GALNT5: variants seen among roughly 807,000 people sequenced by gnomAD.
GALNT5 encodes the protein UDP-GalNAc:polypeptide N-acetylgalactosaminyltransferase 5.
A neutral mutation model predicts 85.4 loss-of-function variants in GALNT5; 72 were observed. That is an observed-to-expected ratio of 0.84 (90% confidence interval 0.70 to 1.03). GALNT5 has a LOEUF of 1.03. Ranked by LOEUF, GALNT5 falls within the 50% of genes least tolerant of loss-of-function variation. The probability of loss-of-function intolerance (pLI) is 0.00; values close to 1 mark genes in which losing one functional copy is unlikely to be tolerated. For missense variants in GALNT5, 1,137 were observed against 1,135.5 expected (o/e 1.00, Z -0.02); for synonymous variants, 404 against 397.0 (o/e 1.02, Z -0.21).
chr2:157,285,097 T>G (rs931978902), intron 2 of GALNT5, among the ~76,000 whole-genome samples: 1 of 152,222 alleles, frequency 6.6e-6, no homozygotes, highest in African/African-American at 2.4e-5. Flanking sequence ...AACCCATTTT[T>G]CAGAAAAGTT....
At chr2:157,292,005 T>C (rs368941714) in intron 3 of GALNT5, among the ~76,000 whole-genome samples, 89 of 152,322 alleles carry the variant, frequency 5.8e-4, no homozygotes, top group African/African-American at 2.1e-3. Flanking sequence ...CCCATAAATA[T>C]ATACAATTAT....
In GALNT5 at chr2:157,258,005, C is replaced by CTGCTGCTGA; in HGVS notation, c.-71_-70insGATGCTGCT. Reference sequence around the variant, plus strand: ...GGCAACTCTGCTGCTGCTGCTGCTGCTGCTGCTACTTCAGCTTCCTCTCCA... The same window carrying CTGCTGCTGA: ...GGCAACTCTGCTGCTGCTGCTGCTGCTGCTGCTGATGCTGCTACTTCAGCTTCCTCTCCA... On this transcript the variant is annotated 5_prime_UTR_variant, in exon 1 of 10. It adds an upstream start codon to the 5' untranslated region. Transcript: ENST00000259056. 6.7e-7 allele frequency: 1 copy of CTGCTGCTGA among 1,502,990 alleles called. No individual in the cohort carries two copies. Among genetic ancestry groups the CTGCTGCTGA allele is most frequent in the Non-Finnish European group, 9.2e-7 (1 of 1,091,974 alleles). 93.1% of individuals were successfully genotyped at this position (1,502,990 alleles called of 1,614,324 possible).
At chr2:157,292,720 T>G (rs1683127001) in intron 3 of GALNT5, among the ~76,000 whole-genome samples, 2 of 152,100 alleles carry the variant, frequency 1.3e-5, no homozygotes, top group Non-Finnish European at 2.9e-5. Flanking sequence ...TTATTTTTTT[T>G]TTTTGAGACA....
chr2:157,304,849 C>T (rs899336713), intron 7 of GALNT5, among the ~76,000 whole-genome samples: 1 of 152,152 alleles, frequency 6.6e-6, no homozygotes, highest in Non-Finnish European at 1.5e-5. Context: ...CTGTGAGCAT[C>T]CAGTCTGCAT....
At chr2:157,309,920 A>C (rs1295399265) in intron 9 of GALNT5, among the ~76,000 whole-genome samples, 2 of 152,196 alleles carry the variant, frequency 1.3e-5, no homozygotes, top group Admixed American at 1.3e-4. Context: ...ATAAACATGC[A>C]GTGTAGTGAA....
chr2:157,268,846 C>G (rs182200558), intron 1 of GALNT5, among the ~76,000 whole-genome samples: 1 of 152,068 alleles, frequency 6.6e-6, no homozygotes, highest in Admixed American at 6.6e-5. Flanking sequence ...CCAGTAGACT[C>G]TAAATACCTA....
chr2:157,292,825 C>A (rs1683129250), intron 3 of GALNT5, among the ~76,000 whole-genome samples: 1 of 152,050 alleles, frequency 6.6e-6, no homozygotes, highest in Admixed American at 6.6e-5. Context: ...CCTGCCTAGG[C>A]CTCCTGAATA....
At chr2:157,278,646 C>G (rs776546544) in intron 1 of GALNT5, among the ~76,000 whole-genome samples, 20 of 152,116 alleles carry the variant, frequency 1.3e-4, no homozygotes, top group Non-Finnish European at 1.9e-4. Flanking sequence ...GTTCTCTTGC[C>G]ATGGTTTTCA....
chr2:157,288,149 GAT>G (rs1367005407), intron 3 of GALNT5, among the ~76,000 whole-genome samples: 2 of 152,188 alleles, frequency 1.3e-5, no homozygotes, highest in East Asian at 3.8e-4. Flanking sequence ...AGCATGTTCT[GAT>G]GGGAAGTTTT....
intron 3 of GALNT5, among the ~76,000 whole-genome samples, chr2:157,287,081 C>T (rs1682994002): frequency 6.6e-6 from 1 of 152,064 alleles, no homozygotes; most frequent in Non-Finnish European, 1.5e-5. Context: ...TGGTATACAT[C>T]TCATCAAGAG....
intron 1 of GALNT5, among the ~76,000 whole-genome samples, chr2:157,267,573 C>T (rs1185764104): frequency 6.6e-6 from 1 of 152,186 alleles, no homozygotes; most frequent in African/African-American, 2.4e-5. Context: ...GACAGAACAT[C>T]CCCACCTAGT....
In GALNT5 at chr2:157,317,187, T is replaced by C. The variant is rs887586501; in HGVS notation, c.*5839T>C. ...CTGTATGTGTGTGTATATATATATA[T>C]ATATATATATATTTTTTTTTTTGAT... On this transcript the variant is annotated 3_prime_UTR_variant, in exon 10 of 10. Transcript: ENST00000259056. 7.2e-6 allele frequency among the ~76,000 whole-genome samples: 1 copy of C among 139,256 alleles called. No homozygotes were observed. The highest frequency in any genetic ancestry group is 2.8e-5 in the African/African-American group (1 of 36,062). The allele number at this position is 139,256 out of a possible 152,430, so 91.4% of individuals were successfully genotyped here. A position where few individuals can be genotyped will look rare whatever the true frequency, so the allele number is the denominator to read the frequency against.
intron 5 of GALNT5, among the ~76,000 whole-genome samples, chr2:157,297,188 T>C (rs2105158270): frequency 6.6e-6 from 1 of 152,308 alleles, no homozygotes; most frequent in Admixed American, 6.5e-5. Flanking sequence ...CAGACACAAG[T>C]AAGCCAGCCC....
intron 1 of GALNT5, among the ~76,000 whole-genome samples, chr2:157,260,292 A>C (rs1487360283): frequency 6.6e-6 from 1 of 152,260 alleles, no homozygotes; most frequent in Non-Finnish European, 1.5e-5. Context: ...GGCAGTCATT[A>C]TGGTTCAAAT....
intron 1 of GALNT5, among the ~76,000 whole-genome samples, chr2:157,273,174 C>G (rs1024416460): frequency 3.3e-5 from 5 of 152,138 alleles, no homozygotes; most frequent in African/African-American, 4.8e-5. Context: ...TCTCATCACT[C>G]TGGTCTTTAA....
chr2:157,291,004 T>C (rs564879125), intron 3 of GALNT5, among the ~76,000 whole-genome samples: 34 of 152,018 alleles, frequency 2.2e-4, no homozygotes, highest in Admixed American at 4.6e-4. Context: ...AATGAGGAGG[T>C]TGAGAGGCCC....
chr2:157,262,622 C>A (rs895163467), intron 1 of GALNT5, among the ~76,000 whole-genome samples: 6 of 147,648 alleles, frequency 4.1e-5, no homozygotes, highest in Admixed American at 1.3e-4. Flanking sequence ...CAGAATAAGA[C>A]CTTGTCTCAG....
chr2:157,268,932 C>T lies in GALNT5; in HGVS notation c.1454+9396C>T, dbSNP rs368956886. On this transcript the variant is annotated intron_variant, in intron 1 of 9. Transcript: ENST00000259056. ...AAAAAAGTTACAAACCTAGAAATATCTGGCATTCAAATTAGACTTTAGCAG... is the reference window on the plus strand; with the variant it reads ...AAAAAAGTTACAAACCTAGAAATATTTGGCATTCAAATTAGACTTTAGCAG... Among the ~76,000 whole-genome samples, 39 of 152,298 alleles carry T rather than the reference C, an allele frequency of 2.6e-4. 1 individual carries two copies. In the East Asian group the frequency reaches 7.1e-3, roughly 28 times the overall value.
intron 1 of GALNT5, among the ~76,000 whole-genome samples, chr2:157,266,435 C>G (rs1329843764): frequency 6.6e-6 from 1 of 152,208 alleles, no homozygotes; most frequent in African/African-American, 2.4e-5. Flanking sequence ...CCATCATCAC[C>G]TGCAAGTCTC....
Sources: allele counts gnomAD v4.1 joint callset (sites outside exome capture counted in the v4.1 genomes callset), GRCh38; gene constraint gnomAD v4.1.1; transcripts MANE v1.5; gene names NCBI Gene and HGNC (gene_info 2026-07-23, HGNC 2026-07-21).